Variants in ADGRB3 observed in about 807,000 individuals in gnomAD.
The protein encoded by ADGRB3 is adhesion G protein-coupled receptor B3.
Under a neutral mutation model 193.4 loss-of-function variants are expected in ADGRB3, and 37 were observed. The ratio of observed to expected loss-of-function variants is 0.19; its 90% confidence interval spans 0.15 to 0.25. The LOEUF is 0.25. Among genes scored for constraint, ADGRB3 ranks in the 10% least tolerant of loss-of-function variants. ADGRB3 has a pLI of 1.00. For missense variants in ADGRB3, 1,637 were observed against 1,852.9 expected, an observed-to-expected ratio of 0.88 and a Z score of 2.14; for synonymous variants, 690 against 644.2, an observed-to-expected ratio of 1.07 and a Z score of -1.08.
At chr6:69,120,110 G>A (rs1773642410) in intron 17 of ADGRB3, among the ~76,000 whole-genome samples, 1 of 152,228 alleles carries the variant, frequency 6.6e-6, no homozygotes, top group South Asian at 2.1e-4. Context: ...GCTACTGGCA[G>A]AATGATGTTG....
chr6:68,902,062 T>A (rs1184645873), intron 3 of ADGRB3, among the ~76,000 whole-genome samples: 3 of 152,114 alleles, frequency 2.0e-5, no homozygotes, highest in Non-Finnish European at 4.4e-5. Context: ...ACTCCAAACC[T>A]TTTATCACTA....
intron 20 of ADGRB3, among the ~76,000 whole-genome samples, chr6:69,268,057 G>A (rs1561971722): frequency 6.6e-6 from 1 of 152,072 alleles, no homozygotes; most frequent in Non-Finnish European, 1.5e-5. Flanking sequence ...GTGGAAAAAA[G>A]CTGGATTGAA....
intron 3 of ADGRB3, among the ~76,000 whole-genome samples, chr6:68,766,577 T>C (rs1055421348): frequency 6.6e-6 from 1 of 152,060 alleles, no homozygotes; most frequent in Non-Finnish European, 1.5e-5. Context: ...TAGATGAGGC[T>C]ATTTTGAATA....
rs954746066 is a variant in ADGRB3, at chr6:69,277,019, T to C, written c.2814+37793T>C. On this transcript the variant is annotated intron_variant, in intron 20 of 31. Transcript: ENST00000370598. ...TTTTTTTCCTTTTTTTTTTTTTAGA[T>C]GGAGTCTCGCTCTGTCACCATGCTG... 2.7e-5 allele frequency among the ~76,000 whole-genome samples: 4 copies of C among 149,816 alleles called. No individual in the cohort carries two copies. The South Asian group carries it at 8.5e-4, about 32-fold the overall frequency.
rs1267110266 is a variant in ADGRB3 at position 69,210,830 on chromosome 6, GA to G, written c.2481-22458del. Among the ~76,000 whole-genome samples, 4 of 152,166 alleles carry G rather than the reference GA, an allele frequency of 2.6e-5. No individual in the cohort carries two copies. The East Asian group carries it at 7.7e-4, about 29-fold the overall frequency. The stretch of plus-strand genomic sequence containing the variant: ...CTGCCTAGTCAATGAAATATAAGCA[GA>G]ACGGCCAGGCATGGTGGCTCACGCC... On this transcript the variant is annotated intron_variant, in intron 17 of 31. Transcript: ENST00000370598.
At chr6:68,915,502 A>G (rs931230872) in intron 3 of ADGRB3, among the ~76,000 whole-genome samples, 4 of 152,214 alleles carry the variant, frequency 2.6e-5, no homozygotes, top group African/African-American at 9.6e-5. Context: ...AAGACAAAAT[A>G]TTAAGGGTAC....
intron 17 of ADGRB3, among the ~76,000 whole-genome samples, chr6:69,126,601 C>T (rs1290529817): frequency 6.6e-6 from 1 of 152,190 alleles, no homozygotes; most frequent in Non-Finnish European, 1.5e-5. Context: ...TATCTGGGTG[C>T]TCAGCTTATT....
intron 20 of ADGRB3, among the ~76,000 whole-genome samples, chr6:69,257,589 T>C (rs930374502): frequency 6.6e-6 from 1 of 152,204 alleles, no homozygotes; most frequent in Non-Finnish European, 1.5e-5. Flanking sequence ...TGTTTACCTA[T>C]TTCCACTGCT....
chr6:69,069,731 T>TAAAAAAAAAAAAA (rs754345752), intron 16 of ADGRB3, among the ~76,000 whole-genome samples: 3 of 108,232 alleles, frequency 2.8e-5, no homozygotes, highest in African/African-American at 4.0e-5. Context: ...ACTCTCTCAT[T>TAAAAAAAAAAAAA]AAAAAAAAAA....
chr6:68,849,878 C>T (rs1768362015), intron 3 of ADGRB3, among the ~76,000 whole-genome samples: 1 of 151,232 alleles, frequency 6.6e-6, no homozygotes, highest in African/African-American at 2.4e-5. Flanking sequence ...GAAAATAAAC[C>T]AATAAGCTTA....
At chr6:69,017,549 T>A (rs1045627536) in intron 12 of ADGRB3, among the ~76,000 whole-genome samples, 6 of 151,894 alleles carry the variant, frequency 4.0e-5, no homozygotes, top group Non-Finnish European at 7.4e-5. Flanking sequence ...ACAATCAGGT[T>A]GCCAAATAAA....
chr6:68,643,746 A>C (rs1418711901), intron 3 of ADGRB3, among the ~76,000 whole-genome samples: 1 of 151,928 alleles, frequency 6.6e-6, no homozygotes, highest in East Asian at 1.9e-4. Flanking sequence ...AGCCTGGCCA[A>C]GATGGTGAAA....
intron 20 of ADGRB3, among the ~76,000 whole-genome samples, chr6:69,251,218 T>C (rs1408913655): frequency 5.9e-5 from 9 of 152,236 alleles, no homozygotes; most frequent in African/African-American, 2.2e-4. Context: ...ATTAGTCTTC[T>C]TCCAGCCTTG....
intron 3 of ADGRB3, among the ~76,000 whole-genome samples, chr6:68,641,043 C>T (rs1021980032): frequency 9.2e-5 from 14 of 152,116 alleles, no homozygotes; most frequent in African/African-American, 3.4e-4. Context: ...TAATTAGTGT[C>T]CCCTAGAATA....
Position 68,956,638 on chromosome 6 carries a change from C to A in ADGRB3, c.1361-7C>A. 6.2e-7 allele frequency: 1 copy of A among 1,613,586 alleles called. No homozygotes were observed. The highest frequency in any genetic ancestry group is 8.5e-7 in the Non-Finnish European group (1 of 1,179,726). The stretch of plus-strand genomic sequence containing the variant: ...GACTGACATTGACCATGAAACATTT[C>A]TTTCAGCCAATGGTCAATGGAATCA... On this transcript the variant is annotated splice_polypyrimidine_tract_variant and splice_region_variant and intron_variant, in intron 7 of 31. Transcript: ENST00000370598.
intron 3 of ADGRB3, among the ~76,000 whole-genome samples, chr6:68,842,486 A>C (rs2127387850): frequency 6.6e-6 from 1 of 152,042 alleles, no homozygotes; most frequent in South Asian, 2.1e-4. Flanking sequence ...GAAATCCAAA[A>C]CCTGAATAGA....
intron 17 of ADGRB3, 31 bp from the exon 18 acceptor site, chr6:69,233,259 C>G (rs200192397): frequency 1.5e-5 from 24 of 1,609,644 alleles, no homozygotes; most frequent in Non-Finnish European, 1.6e-5. Context: ...GTATTTATCC[C>G]GATTTCCTCC....
intron 3 of ADGRB3, among the ~76,000 whole-genome samples, chr6:68,859,400 G>T (rs1409232496): frequency 1.3e-5 from 2 of 152,074 alleles, no homozygotes; most frequent in African/African-American, 2.4e-5. Flanking sequence ...ACATTTTTGG[G>T]TATCTTTTCA....
At chr6:68,660,851 A>G (rs1190526200) in intron 3 of ADGRB3, among the ~76,000 whole-genome samples, 2 of 151,250 alleles carry the variant, frequency 1.3e-5, no homozygotes, top group Non-Finnish European at 3.0e-5. Context: ...CTATGTTACA[A>G]TAGTTGTGGA....
Sources: allele counts gnomAD v4.1 joint callset (sites outside exome capture counted in the v4.1 genomes callset), GRCh38; gene constraint gnomAD v4.1.1; transcripts MANE v1.5; gene names NCBI Gene and HGNC (gene_info 2026-07-23, HGNC 2026-07-21).